Variants in STARD9 observed in about 807,000 individuals in gnomAD.
STARD9 encodes the protein stAR-related lipid transfer protein 9.
STARD9 carries 346 observed loss-of-function variants against 399.8 expected under a neutral mutation model. The ratio of observed to expected loss-of-function variants is 0.87; its 90% CI spans 0.79 to 0.95. The LOEUF (loss-of-function observed/expected upper bound fraction) is 0.95, where lower values mean the gene tolerates loss of function less well. STARD9 is among the 40% of genes least tolerant of loss of function. The pLI, the probability that STARD9 is intolerant of heterozygous loss-of-function variation, is 0.00. For missense variants in STARD9, 5,832 were observed against 5,667.5 expected, an observed-to-expected ratio of 1.03 and a Z score of -0.93; for synonymous variants, 2,203 against 2,143.5, an observed-to-expected ratio of 1.03 and a Z score of -0.77.
At chr15:42,622,642 T>C (rs2059115471) in intron 3 of STARD9, among the ~76,000 whole-genome samples, 1 of 152,166 alleles carries the variant, frequency 6.6e-6, no homozygotes, top group African/African-American at 2.4e-5. Flanking sequence ...TGCCTGGGTA[T>C]CTGTTGTTCC....
At chr15:42,676,035 C>G in intron 20 of STARD9, 60 bp downstream of exon 20, 1 of 730,826 alleles carries the variant, frequency 1.4e-6, no homozygotes, top group Non-Finnish European at 2.2e-6. Context: ...TAGTCCATGA[C>G]AGCATGGATC....
chr15:42,581,520 G>C, intron 1 of STARD9: 1 of 1,408,046 alleles, frequency 7.1e-7, no homozygotes, highest in Non-Finnish European at 9.8e-7. Flanking sequence ...GCTTTGTGTG[G>C]CGGGTAGGCG....
chr15:42,600,526 CTT>C (rs796979908), intron 3 of STARD9, among the ~76,000 whole-genome samples: 30 of 139,400 alleles, frequency 2.2e-4, no homozygotes, highest in South Asian at 2.3e-4. Context: ...TTCTTTCTTT[CTT>C]TTTTTTTTTT....
intron 26 of STARD9, among the ~76,000 whole-genome samples, chr15:42,700,031 G>A (rs1177281557): frequency 1.3e-5 from 2 of 152,166 alleles, no homozygotes; most frequent in Admixed American, 6.5e-5. Context: ...GTAAGATCAC[G>A]TGGTGGTTGG....
intron 1 of STARD9, among the ~76,000 whole-genome samples, chr15:42,582,866 A>G (rs563005706): frequency 6.6e-6 from 1 of 152,230 alleles, no homozygotes; most frequent in South Asian, 2.1e-4. Context: ...CGCACTCTCT[A>G]GGGTTTCTAA....
chr15:42,706,326 T>C (rs111864108), intron 26 of STARD9, among the ~76,000 whole-genome samples: 71 of 152,336 alleles, frequency 4.7e-4, no homozygotes, highest in African/African-American at 1.6e-3. Flanking sequence ...TTCCTTTATA[T>C]CTTCTGATTA....
chr15:42,660,869 G>T (rs1168901446), intron 9 of STARD9, among the ~76,000 whole-genome samples: 1 of 152,020 alleles, frequency 6.6e-6, no homozygotes, highest in African/African-American at 2.4e-5. Flanking sequence ...GAAATTTCCT[G>T]ATGCCACTGA....
At chr15:42,580,577 A>T (rs1174414336) in intron 1 of STARD9, among the ~76,000 whole-genome samples, 1 of 152,204 alleles carries the variant, frequency 6.6e-6, no homozygotes, top group Non-Finnish European at 1.5e-5. Context: ...GCACTTTGGG[A>T]GCCCAAGGCA....
At chr15:42,675,459 C>T (rs916859216) in intron 18 of STARD9, 3 of 557,600 alleles carry the variant, frequency 5.4e-6, no homozygotes, top group African/African-American at 3.8e-5. Context: ...ACTTCCTTTC[C>T]CTTGGAATAG....
chr15:42,600,229 T>C (rs1047450253), intron 3 of STARD9, among the ~76,000 whole-genome samples: 4 of 152,186 alleles, frequency 2.6e-5, no homozygotes, highest in African/African-American at 9.7e-5. Flanking sequence ...GCGTACTGGA[T>C]ACTTAGTTGA....
chr15:42,584,381 G>A (rs974144255), intron 2 of STARD9, among the ~76,000 whole-genome samples: 8 of 152,134 alleles, frequency 5.3e-5, no homozygotes, highest in Non-Finnish European at 7.4e-5. Context: ...TATTGCTGTC[G>A]CCTAATCACT....
intron 20 of STARD9, among the ~76,000 whole-genome samples, chr15:42,677,089 T>TAAAAAA (rs869040683): frequency 1.9e-5 from 1 of 53,606 alleles, no homozygotes; most frequent in African/African-American, 8.7e-5. Context: ...CGTCTCTACT[T>TAAAAAA]AAAAAAAAAA....
intron 26 of STARD9, among the ~76,000 whole-genome samples, chr15:42,709,888 C>T (rs181800133): frequency 1.9e-4 from 29 of 152,196 alleles, no homozygotes; most frequent in African/African-American, 6.3e-4. Flanking sequence ...TCCCTTCTTC[C>T]GCCACTTAAT....
At chr15:42,635,295 T>C (rs1259220494) in intron 4 of STARD9, among the ~76,000 whole-genome samples, 1 of 151,880 alleles carries the variant, frequency 6.6e-6, no homozygotes, top group African/African-American at 2.4e-5. Flanking sequence ...CAGCATTTAA[T>C]TGGAAGGTAA....
At position 42,682,121 on chromosome 15, in the gene STARD9, A is replaced by G. The variant is rs2060443275; in HGVS notation, c.2083A>G (p.Arg695Gly). The change falls in exon 22 of 33, where the codon AGA becomes GGA. Residue 695 changes from arginine to glycine, a missense_variant. Physicochemically the swap from Arg to Gly is moderately radical, Grantham distance 125. Transcript: ENST00000290607. Reference protein sequence around the residue: ...QIKENQQCLLREETWLASLQQ... With the variant: ...QIKENQQCLLGEETWLASLQQ... The stretch of plus-strand genomic sequence containing the variant: ...GTTCCCAGACCAGCAGTGTCTGCTC[A>G]GAGAAGAGACCTGGCTGGCCAGCTT... 1 of 1,536,982 alleles carries G rather than the reference A, an allele frequency of 6.5e-7. No homozygotes were observed. Among genetic ancestry groups the G allele is most frequent in the Non-Finnish European group, 8.7e-7 (1 of 1,146,726 alleles).
At chr15:42,617,622 C>T (rs2058996184) in intron 3 of STARD9, among the ~76,000 whole-genome samples, 1 of 152,220 alleles carries the variant, frequency 6.6e-6, no homozygotes, top group Non-Finnish European at 1.5e-5. Context: ...GTGCTTTCAA[C>T]AGTCATTACA....
chr15:42,697,500 G>T (rs1021938673), intron 26 of STARD9, among the ~76,000 whole-genome samples: 3 of 151,958 alleles, frequency 2.0e-5, no homozygotes, highest in African/African-American at 7.3e-5. Context: ...AGTAGAAAGG[G>T]CACAAATATA....
In STARD9 at chr15:42,718,180, G is replaced by T; in HGVS notation, c.13762+1G>T. On this transcript the variant is annotated splice_donor_variant, in intron 30 of 32. Transcript: ENST00000290607. LOFTEE classifies it high-confidence loss of function. ...CGAGTGACCAACAGCATCAGCCTGG[G>T]TGAGCCCAGGGAAGGAAGGCTTCCA... The T allele has an allele frequency of 6.5e-7, 1 of 1,536,412 alleles. No individual in the cohort carries two copies. Among genetic ancestry groups the T allele is most frequent in the East Asian group, 2.4e-5 (1 of 40,892 alleles).
chr15:42,637,022 C>G (rs1356529539), intron 4 of STARD9, among the ~76,000 whole-genome samples: 1 of 151,440 alleles, frequency 6.6e-6, no homozygotes, highest in Non-Finnish European at 1.5e-5. Context: ...CGAGATCATG[C>G]CATTGCACTC....
Sources: allele counts gnomAD v4.1 joint callset (sites outside exome capture counted in the v4.1 genomes callset), GRCh38; gene constraint gnomAD v4.1.1; transcripts MANE v1.5; gene names NCBI Gene and HGNC (gene_info 2026-07-23, HGNC 2026-07-21).